LIPC: variants seen among roughly 807,000 people sequenced by gnomAD.
LIPC encodes lipase C, hepatic type, also known as hepatic triacylglycerol lipase.
A neutral mutation model predicts 50.7 loss-of-function variants in LIPC; 44 were observed. The observed-to-expected ratio is 0.87, with a 90% CI of 0.68 to 1.11. The LOEUF (loss-of-function observed/expected upper bound fraction) is 1.11, where lower values mean the gene tolerates loss of function less well. Among genes scored for constraint, LIPC ranks in the 50% most tolerant of loss-of-function variants. LIPC has a pLI of 0.00. For missense variants in LIPC, 697 were observed against 648.2 expected (o/e 1.08, Z -0.82); for synonymous variants, 271 against 256.4 (o/e 1.06, Z -0.54).
At chr15:58,438,811 G>C (rs1893403641) in intron 1 of LIPC, among the ~76,000 whole-genome samples, 1 of 152,240 alleles carries the variant, frequency 6.6e-6, no homozygotes, top group African/African-American at 2.4e-5. Flanking sequence ...GTTTCTGGGT[G>C]ACTGGAAGAT....
intron 1 of LIPC, chr15:58,521,870 G>C (rs1194672972): frequency 1.3e-5 from 2 of 152,072 alleles, no homozygotes; most frequent in Non-Finnish European, 2.9e-5. Context: ...AATCATGATG[G>C]GGAGGATGAC....
At chr15:58,458,721 C>G (rs1894225136) in intron 1 of LIPC, among the ~76,000 whole-genome samples, 1 of 152,222 alleles carries the variant, frequency 6.6e-6, no homozygotes, top group Non-Finnish European at 1.5e-5. Flanking sequence ...CCAGCAGAAT[C>G]TGGTCACCCC....
chr15:58,491,088 G>A (rs564887431), intron 1 of LIPC, among the ~76,000 whole-genome samples: 6 of 152,300 alleles, frequency 3.9e-5, no homozygotes, highest in South Asian at 2.1e-4. Context: ...TGAAGAACAG[G>A]TAAAGGGAGC....
At chr15:58,486,597 G>A (rs990759092) in intron 1 of LIPC, among the ~76,000 whole-genome samples, 7 of 152,150 alleles carry the variant, frequency 4.6e-5, no homozygotes, top group Admixed American at 6.5e-5. Context: ...ATGAACGTAC[G>A]AGCCCAGACT....
intron 6 of LIPC, among the ~76,000 whole-genome samples, chr15:58,551,599 T>A (rs1893762107): frequency 6.6e-6 from 1 of 152,130 alleles, no homozygotes; most frequent in Non-Finnish European, 1.5e-5. Context: ...GCTACACCAC[T>A]CCCTGCCCAT....
In LIPC at chr15:58,543,659, G is replaced by A. The variant is rs553834977; in HGVS notation, c.574+1008G>A. ...AGGACATTTTTTTTTCTTTTGAGAC[G>A]GAGTTTCGCTCTTGTTGCCCAGGCT... On this transcript the variant is annotated intron_variant, in intron 4 of 8. Transcript: ENST00000299022. 2.5e-4 allele frequency among the ~76,000 whole-genome samples: 38 copies of A among 151,784 alleles called. 1 individual carries two copies. The highest frequency in any genetic ancestry group is 1.9e-3 in the South Asian group (9 of 4,796).
At position 58,560,151 on chromosome 15, in the gene LIPC, G is replaced by A. The variant is rs1036248767; in HGVS notation, c.1052-713G>A. ...ACGCCTGTCTAATAGTAAGCCATTT[G>A]CTTTCAGTAACTAAATGTAGACTGT... On this transcript the variant is annotated intron_variant, in intron 6 of 8. Transcript: ENST00000299022. Among the ~76,000 whole-genome samples, 3 of 152,280 alleles carry A rather than the reference G, an allele frequency of 2.0e-5. 1 individual carries two copies. The South Asian group carries it at 6.2e-4, about 32-fold the overall frequency.
chr15:58,468,190 C>T (rs1369881093), intron 1 of LIPC, among the ~76,000 whole-genome samples: 2 of 152,162 alleles, frequency 1.3e-5, no homozygotes, highest in South Asian at 4.1e-4. Flanking sequence ...TTGGCTTACC[C>T]TTGTCTATAC....
chr15:58,531,480 C>A (rs1892957184), intron 1 of LIPC, among the ~76,000 whole-genome samples: 2 of 151,910 alleles, frequency 1.3e-5, no homozygotes, highest in African/African-American at 4.8e-5. Flanking sequence ...GCCTGAAGTG[C>A]AGTAGAATTC....
chr15:58,518,846 G>A (rs1351328410), intron 1 of LIPC, among the ~76,000 whole-genome samples: 1 of 151,842 alleles, frequency 6.6e-6, no homozygotes, highest in African/African-American at 2.4e-5. Flanking sequence ...GAATAGAAAT[G>A]TTCTCTGCCT....
At chr15:58,480,355 C>T (rs565097649) in intron 1 of LIPC, among the ~76,000 whole-genome samples, 38 of 152,318 alleles carry the variant, frequency 2.5e-4, no homozygotes, top group South Asian at 6.2e-4. Flanking sequence ...AGAGCAGCGG[C>T]GCAATCTCGG....
chr15:58,560,515 G>A (rs1349293296), intron 6 of LIPC, among the ~76,000 whole-genome samples: 2 of 152,142 alleles, frequency 1.3e-5, no homozygotes, highest in Non-Finnish European at 2.9e-5. Context: ...TTTGATTTAC[G>A]AAAGGAGACC....
intron 1 of LIPC, chr15:58,521,601 T>G (rs1892654783): frequency 6.6e-6 from 1 of 151,882 alleles, no homozygotes; most frequent in Non-Finnish European, 1.5e-5. Flanking sequence ...CAGAGGGGAC[T>G]GGAAGCGGAT....
chr15:58,548,209 C>A, intron 5 of LIPC, 121 bp from the exon 6 acceptor site: 1 of 1,326,314 alleles, frequency 7.5e-7, no homozygotes, highest in Non-Finnish European at 1.1e-6. Flanking sequence ...TTGACAAGCC[C>A]ACCCTTGCCT....
At chr15:58,457,528 T>A (rs1894177302) in intron 1 of LIPC, among the ~76,000 whole-genome samples, 1 of 152,232 alleles carries the variant, frequency 6.6e-6, no homozygotes, top group South Asian at 2.1e-4. Context: ...GCAGCAGTCC[T>A]TGTTTCTCTG....
At chr15:58,501,620 T>A (rs1458091372) in intron 1 of LIPC, among the ~76,000 whole-genome samples, 3 of 152,178 alleles carry the variant, frequency 2.0e-5, no homozygotes, top group African/African-American at 7.2e-5. Context: ...TGACATCTGA[T>A]TGGGCCTAAT....
At chr15:58,567,006 C>T (rs1566954828) in intron 8 of LIPC, among the ~76,000 whole-genome samples, 1 of 151,276 alleles carries the variant, frequency 6.6e-6, no homozygotes, top group Admixed American at 6.6e-5. Context: ...TTGTGGACAC[C>T]AGATGTATAA....
At chr15:58,563,429 C>A in intron 7 of LIPC, 76 bp from the exon 8 acceptor site, 2 of 1,222,468 alleles carry the variant, frequency 1.6e-6, no homozygotes, top group Non-Finnish European at 2.4e-6. Context: ...AAACACAACA[C>A]ATCCTGAATG....
chr15:58,454,775 T>C (rs1490554523), intron 1 of LIPC: 1 of 152,266 alleles, frequency 6.6e-6, no homozygotes, highest in East Asian at 1.9e-4. Context: ...TGGTGAGATG[T>C]GTCGCCCACA....
Sources: gnomAD v4.1 joint callset for allele counts (sites outside exome capture counted in the v4.1 genomes callset) on GRCh38, gnomAD v4.1.1 for gene constraint, MANE v1.5 for transcripts, NCBI Gene and HGNC (gene_info 2026-07-23, HGNC 2026-07-21) for gene names.